The following NPIPA5 variants were observed in gnomAD, a reference collection of about 807,000 sequenced individuals.
NPIPA5 encodes the protein nuclear pore complex-interacting protein family member A5.
Under a neutral mutation model 21.4 loss-of-function variants are expected in NPIPA5, and 6 were observed. The observed-to-expected ratio is 0.28, with a 90% CI of 0.15 to 0.55. The LOEUF (loss-of-function observed/expected upper bound fraction) is 0.55, where lower values mean the gene tolerates loss of function less well. NPIPA5 is among the 20% of genes least tolerant of loss of function. The pLI is 0.93. For synonymous variants in NPIPA5, 33 were observed against 115.3 expected (o/e 0.29, Z 4.57); for missense variants, 99 against 318.2 (o/e 0.31, Z 5.24).
intron 4 of NPIPA5, among the ~76,000 whole-genome samples, chr16:15,367,588 A>C (rs1422609842): frequency 2.0e-5 from 3 of 151,664 alleles, no homozygotes; most frequent in Non-Finnish European, 4.4e-5. Context: ...GATCCTAAGG[A>C]TCTCACCTGA....
intron 4 of NPIPA5, among the ~76,000 whole-genome samples, chr16:15,367,044 A>G (rs1416675301): frequency 6.6e-6 from 1 of 152,128 alleles, no homozygotes; most frequent in Non-Finnish European, 1.5e-5. Flanking sequence ...AAAAGCTTCT[A>G]TGAGGTGCAC....
intron 1 of NPIPA5, among the ~76,000 whole-genome samples, chr16:15,375,336 C>A (rs1445344062): frequency 7.3e-6 from 1 of 136,266 alleles, no homozygotes; most frequent in Non-Finnish European, 1.6e-5. Context: ...AATAATACTT[C>A]TCTCTTGGAT....
intron 1 of NPIPA5, among the ~76,000 whole-genome samples, chr16:15,374,184 C>T (rs2050227597): frequency 6.7e-6 from 1 of 150,260 alleles, no homozygotes; most frequent in South Asian, 2.1e-4. Context: ...AGCTGATGAT[C>T]TAAAAAAAAA....
At chr16:15,379,502 G>A (rs1216155579), upstream of NPIPA5, among the ~76,000 whole-genome samples, 2 of 152,130 alleles carry the variant, frequency 1.3e-5, no homozygotes, top group African/African-American at 4.8e-5. Flanking sequence ...GGGAGGCAGA[G>A]TCTGCAGTGA....
chr16:15,368,336 C>T (rs1458828073), intron 4 of NPIPA5, among the ~76,000 whole-genome samples: 3 of 151,994 alleles, frequency 2.0e-5, no homozygotes, highest in African/African-American at 4.8e-5. Context: ...CCTGCACAGA[C>T]GACCTCAATT....
chr16:15,375,195 C>T (rs1462478027), intron 1 of NPIPA5, among the ~76,000 whole-genome samples: 2 of 151,276 alleles, frequency 1.3e-5, no homozygotes, highest in African/African-American at 4.9e-5. Flanking sequence ...TCCCAAAGTG[C>T]TGGGAATACA....
upstream of NPIPA5, among the ~76,000 whole-genome samples, chr16:15,379,354 G>C (rs556056003): frequency 2.0e-5 from 3 of 152,048 alleles, no homozygotes; most frequent in Non-Finnish European, 2.9e-5. Context: ...CGGATCACAA[G>C]GTCAGGAGTT....
At chr16:15,369,309 A>G (rs1184472428) in intron 4 of NPIPA5, among the ~76,000 whole-genome samples, 4 of 149,662 alleles carry the variant, frequency 2.7e-5, no homozygotes, top group Non-Finnish European at 5.9e-5. Flanking sequence ...TACAAAAATT[A>G]GCTGGGCGTG....
intron 4 of NPIPA5, among the ~76,000 whole-genome samples, chr16:15,369,262 T>C (rs1234015591): frequency 3.4e-5 from 5 of 145,524 alleles, no homozygotes; most frequent in Admixed American, 6.9e-5. Flanking sequence ...TCGAGACCAG[T>C]CTGGACAACA....
chr16:15,377,658 A>C (rs1172665426), intron 1 of NPIPA5, among the ~76,000 whole-genome samples: 1 of 49,904 alleles, frequency 2.0e-5, no homozygotes. Flanking sequence ...GGGAAGGGGA[A>C]GGGGAGGGGA....
At chr16:15,370,816 C>T (rs1254353443) in intron 2 of NPIPA5, among the ~76,000 whole-genome samples, 3 of 147,848 alleles carry the variant, frequency 2.0e-5, no homozygotes, top group African/African-American at 7.4e-5. Context: ...TTTGGGAGGC[C>T]GAGGCGGGTG....
At chr16:15,368,304 C>T (rs1310107628) in intron 4 of NPIPA5, among the ~76,000 whole-genome samples, 3 of 151,198 alleles carry the variant, frequency 2.0e-5, no homozygotes. Flanking sequence ...CAGGAAATAC[C>T]CTGGCCTTTG....
At chr16:15,380,432 C>T (rs1598412136), upstream of NPIPA5, among the ~76,000 whole-genome samples, 1 of 151,982 alleles carries the variant, frequency 6.6e-6, no homozygotes, top group African/African-American at 2.4e-5. Context: ...CAGCAATTCT[C>T]CTGTCTCAGC....
chr16:15,368,081 C>G (rs939938829), intron 4 of NPIPA5, among the ~76,000 whole-genome samples: 1 of 107,054 alleles, frequency 9.3e-6, no homozygotes, highest in South Asian at 3.9e-4. Flanking sequence ...GGACGAAAGT[C>G]AGCCTCGCAT....
chr16:15,379,321 C>T (rs3883215), upstream of NPIPA5, among the ~76,000 whole-genome samples: 3 of 151,538 alleles, frequency 2.0e-5, no homozygotes, highest in Non-Finnish European at 2.9e-5. Context: ...TGTAATCCCA[C>T]CACTTTGGGA....
chr16:15,381,497 C>G, upstream of NPIPA5: 7 of 979,298 alleles, frequency 7.1e-6, no homozygotes, highest in Non-Finnish European at 8.5e-6. Flanking sequence ...TAATTATAAC[C>G]CTGTTTAATC....
In NPIPA5 at chr16:15,365,961, C is replaced by T. The variant is rs886654642; in HGVS notation, c.546-327G>A. On this transcript the variant is annotated intron_variant, in intron 5 of 7. Transcript: ENST00000360151. ...GCAGGCACCTGTAATCCCAGCTACTCGGGAGGCTGAGGCAGGGGAATCATT... is the reference window on the plus strand; with the variant it reads ...GCAGGCACCTGTAATCCCAGCTACTTGGGAGGCTGAGGCAGGGGAATCATT... Among the ~76,000 whole-genome samples, 3 of 58,250 alleles carry T rather than the reference C, an allele frequency of 5.2e-5. 1 individual carries two copies. The highest frequency in any genetic ancestry group is 9.2e-5 in the African/African-American group (2 of 21,794). The allele number at this position is 58,250 out of a possible 152,430, so 38.2% of individuals were successfully genotyped here.
At chr16:15,381,059 G>A (rs1323764613), upstream of NPIPA5, 6 of 1,529,726 alleles carry the variant, frequency 3.9e-6, no homozygotes, top group Non-Finnish European at 5.2e-6. Context: ...TGCAGAATGA[G>A]AACAGGGGCT....
intron 4 of NPIPA5, among the ~76,000 whole-genome samples, chr16:15,369,138 C>T (rs1460187386): frequency 6.9e-5 from 10 of 144,806 alleles, no homozygotes; most frequent in Non-Finnish European, 9.1e-5. Context: ...GGCGACAGAG[C>T]GAGACTCTAT....
Sources: gnomAD v4.1 joint callset for allele counts (sites outside exome capture counted in the v4.1 genomes callset) on GRCh38, gnomAD v4.1.1 for gene constraint, MANE v1.5 for transcripts, NCBI Gene and HGNC (gene_info 2026-07-23, HGNC 2026-07-21) for gene names.